SPECC1L: variants seen among roughly 807,000 people sequenced by gnomAD.
SPECC1L encodes the protein cytospin-A.
In SPECC1L, 40 loss-of-function variants were observed where a neutral mutation model predicts 116.8. The ratio of observed to expected loss-of-function variants is 0.34; its 90% CI spans 0.27 to 0.45. SPECC1L has a LOEUF of 0.45. SPECC1L is among the 20% of genes least tolerant of loss of function. The pLI, the probability that SPECC1L is intolerant of heterozygous loss-of-function variation, is 1.00. For missense variants in SPECC1L, 1,110 were observed against 1,373.6 expected (o/e 0.81, Z 3.03); for synonymous variants, 504 against 500.6 (o/e 1.01, Z -0.09).
At chr22:24,295,505 C>T (rs1479607081) in intron 2 of SPECC1L, among the ~76,000 whole-genome samples, 1 of 151,340 alleles carries the variant, frequency 6.6e-6, no homozygotes, top group Admixed American at 6.6e-5. Flanking sequence ...TCCCTTCTTC[C>T]AATTAGTATG....
intron 2 of SPECC1L, among the ~76,000 whole-genome samples, chr22:24,292,954 A>G (rs1355636045): frequency 6.6e-6 from 1 of 152,238 alleles, no homozygotes; most frequent in African/African-American, 2.4e-5. Context: ...TAGATTTTTT[A>G]GAATACAGAT....
intron 2 of SPECC1L, among the ~76,000 whole-genome samples, chr22:24,296,124 T>A (rs1240044023): frequency 6.6e-6 from 1 of 152,196 alleles, no homozygotes; most frequent in Non-Finnish European, 1.5e-5. Context: ...TTGGAGGCCA[T>A]ATGGAGTGGC....
intron 2 of SPECC1L, among the ~76,000 whole-genome samples, chr22:24,293,485 C>G (rs1378441587): frequency 6.6e-6 from 1 of 152,030 alleles, no homozygotes; most frequent in Non-Finnish European, 1.5e-5. Context: ...AAAAAGAGAA[C>G]AGTAGCTTAG....
At chr22:24,332,252 A>G (rs941809651) in intron 8 of SPECC1L, among the ~76,000 whole-genome samples, 1 of 152,218 alleles carries the variant, frequency 6.6e-6, no homozygotes, top group Non-Finnish European at 1.5e-5. Context: ...GTTATTTACC[A>G]TTGGTGAGTT....
At chr22:24,287,821 G>A (rs890091832) in intron 2 of SPECC1L, among the ~76,000 whole-genome samples, 1 of 152,112 alleles carries the variant, frequency 6.6e-6, no homozygotes, top group Non-Finnish European at 1.5e-5. Context: ...ATGGGCCCTC[G>A]GGGTTTAGTT....
chr22:24,311,559 GT>G (rs2040460546), intron 3 of SPECC1L, among the ~76,000 whole-genome samples: 1 of 152,076 alleles, frequency 6.6e-6, no homozygotes, highest in African/African-American at 2.4e-5. Flanking sequence ...AATCCCAGCA[GT>G]TTGGGAGGCC....
chr22:24,389,733 T>C (rs777992404), intron 14 of SPECC1L, among the ~76,000 whole-genome samples: 12 of 152,122 alleles, frequency 7.9e-5, no homozygotes, highest in Non-Finnish European at 4.4e-5. Flanking sequence ...TAAAAATAGC[T>C]CAGTCCTTCA....
Position 24,359,903 on chromosome 22 carries a change from AC to A in SPECC1L, c.2744-3354del, listed in dbSNP as rs549539220. 3.8e-4 allele frequency among the ~76,000 whole-genome samples: 58 copies of A among 152,070 alleles called. 3 individuals are homozygous for A. The South Asian group carries it at 0.012, about 31-fold the overall frequency. On this transcript the variant is annotated intron_variant, in intron 11 of 16. Coordinates refer to ENST00000314328, the MANE Select transcript of SPECC1L (RefSeq NM_015330.6). ...TCACATTGCCTGCTGTGTTCCCAGA[AC>A]CCCTGGTACTTGTTTTTTCTTAGCA...
chr22:24,301,340 T>C (rs2049373950), intron 2 of SPECC1L, among the ~76,000 whole-genome samples: 1 of 152,166 alleles, frequency 6.6e-6, no homozygotes, highest in Admixed American at 6.5e-5. Flanking sequence ...GACATTTACG[T>C]GGTCTTCTTT....
At chr22:24,280,394 GA>G (rs2048918620) in intron 2 of SPECC1L, among the ~76,000 whole-genome samples, 1 of 151,404 alleles carries the variant, frequency 6.6e-6, no homozygotes, top group Non-Finnish European at 1.5e-5. Context: ...TTAGTTAGCT[GA>G]GGGAGAAGAA....
At chr22:24,352,014 C>T (rs866296641) in intron 11 of SPECC1L, among the ~76,000 whole-genome samples, 6 of 151,720 alleles carry the variant, frequency 4.0e-5, no homozygotes, top group South Asian at 2.1e-4. Context: ...CTGCCTCTTG[C>T]TCTACAATAG....
At chr22:24,386,571 T>A (rs1404183804) in intron 14 of SPECC1L, among the ~76,000 whole-genome samples, 1 of 151,368 alleles carries the variant, frequency 6.6e-6, no homozygotes, top group Non-Finnish European at 1.5e-5. Flanking sequence ...AGTGAAAAAA[T>A]TTTCAGGATC....
At chr22:24,330,457 A>C (rs1461495268) in intron 8 of SPECC1L, 26 bp downstream of exon 8, 1 of 1,613,090 alleles carries the variant, frequency 6.2e-7, no homozygotes, top group Admixed American at 1.7e-5. Flanking sequence ...CCTGTTGTGT[A>C]CTTATGTTTC....
intron 14 of SPECC1L, among the ~76,000 whole-genome samples, chr22:24,388,651 G>A (rs1441030911): frequency 6.6e-6 from 1 of 152,124 alleles, no homozygotes; most frequent in Non-Finnish European, 1.5e-5. Flanking sequence ...GATCCCTGAG[G>A]AATCGCCAAA....
chr22:24,379,726 A>G (rs185671752), intron 14 of SPECC1L, among the ~76,000 whole-genome samples: 1 of 152,264 alleles, frequency 6.6e-6, no homozygotes. Context: ...ATACATATGT[A>G]TGGCTTGTGG....
chr22:24,325,294 G>A (rs761072065), intron 6 of SPECC1L, among the ~76,000 whole-genome samples: 2 of 152,180 alleles, frequency 1.3e-5, no homozygotes, highest in Non-Finnish European at 2.9e-5. Context: ...GAAGAGTAAT[G>A]CTGCTTTCTT....
At chr22:24,395,551 G>T (rs915208403) in intron 14 of SPECC1L, among the ~76,000 whole-genome samples, 3 of 152,198 alleles carry the variant, frequency 2.0e-5, no homozygotes, top group Non-Finnish European at 4.4e-5. Context: ...AAGAAGAGCA[G>T]ATTTGTTTAA....
chr22:24,279,714 C>G (rs1344614073), intron 2 of SPECC1L, among the ~76,000 whole-genome samples: 1 of 152,122 alleles, frequency 6.6e-6, no homozygotes, highest in Admixed American at 6.5e-5. Flanking sequence ...TTCCGAGTAG[C>G]TGGGATTACA....
At chr22:24,370,067 T>C (rs2041843530) in intron 14 of SPECC1L, among the ~76,000 whole-genome samples, 1 of 152,244 alleles carries the variant, frequency 6.6e-6, no homozygotes, top group African/African-American at 2.4e-5. Flanking sequence ...ATGTTCCTGA[T>C]CTCTTCACAT....
Sources: gnomAD v4.1 joint callset for allele counts (sites outside exome capture counted in the v4.1 genomes callset) on GRCh38, gnomAD v4.1.1 for gene constraint, MANE v1.5 for transcripts, NCBI Gene and HGNC (gene_info 2026-07-23, HGNC 2026-07-21) for gene names.